SCMH1: variants seen among roughly 807,000 people sequenced by gnomAD.
SCMH1 encodes Scm polycomb group protein homolog 1.
A neutral mutation model predicts 70.8 loss-of-function variants in SCMH1; 37 were observed. The observed-to-expected ratio is 0.52, with a 90% CI of 0.40 to 0.69. The LOEUF (loss-of-function observed/expected upper bound fraction) is 0.69, where lower values mean the gene tolerates loss of function less well. Ranked by LOEUF, SCMH1 falls within the 30% of genes least tolerant of loss-of-function variation. The pLI is 0.00. For missense variants in SCMH1, 607 were observed against 827.3 expected, an observed-to-expected ratio of 0.73 and a Z score of 3.27; for synonymous variants, 292 against 307.4, an observed-to-expected ratio of 0.95 and a Z score of 0.52.
At chr1:41,183,853 GATAAT>G (rs896421174) in intron 2 of SCMH1, among the ~76,000 whole-genome samples, 2 of 152,078 alleles carry the variant, frequency 1.3e-5, no homozygotes, top group African/African-American at 4.8e-5. Flanking sequence ...TAAAACTGCA[GATAAT>G]ATGTCATTTA....
At chr1:41,138,945 T>C (rs1369156898) in intron 6 of SCMH1, among the ~76,000 whole-genome samples, 2 of 152,340 alleles carry the variant, frequency 1.3e-5, no homozygotes, top group African/African-American at 2.4e-5. Flanking sequence ...AAAGGTTCTA[T>C]TGGCAGGGAA....
chr1:41,037,228 G>GT, intron 13 of SCMH1, 134 bp downstream of exon 13: 1 of 847,628 alleles, frequency 1.2e-6, no homozygotes, highest in South Asian at 1.9e-5. Flanking sequence ...AGGCACAAGA[G>GT]TAAGTCCAGT....
intron 2 of SCMH1, among the ~76,000 whole-genome samples, chr1:41,164,840 T>A (rs1157220462): frequency 1.3e-5 from 2 of 152,132 alleles, no homozygotes; most frequent in Non-Finnish European, 2.9e-5. Context: ...CACACCAGAG[T>A]ATAGCAATTA....
At chr1:41,075,514 G>A in intron 8 of SCMH1, 63 bp from the exon 9 acceptor site, 12 of 1,404,614 alleles carry the variant, frequency 8.5e-6, no homozygotes, top group Admixed American at 3.9e-5. Flanking sequence ...CCAGCCAGAA[G>A]AAAAAAAGGA....
chr1:41,198,669 G>A (rs1469604229), intron 1 of SCMH1, among the ~76,000 whole-genome samples: 1 of 152,044 alleles, frequency 6.6e-6, no homozygotes, highest in Non-Finnish European at 1.5e-5. Flanking sequence ...GGTGCTACAG[G>A]GTGTGACAGT....
In SCMH1 at chr1:41,032,564, T is replaced by C. The variant is rs547605611; in HGVS notation, c.1679-3838A>G. Among the ~76,000 whole-genome samples the C allele has an allele frequency of 8.4e-4, 128 of 152,278 alleles. 1 individual carries two copies. The highest frequency in any genetic ancestry group is 2.7e-3 in the African/African-American group (111 of 41,562). ...TACACCATGGAAAACCACTGGCTTT[T>C]CTGAGTGAAATAGGTAGGTTTTGAG... is the stretch of plus-strand genomic sequence containing the variant. On this transcript the variant is annotated intron_variant, in intron 13 of 14. Transcript: ENST00000337495.
chr1:41,104,630 G>A (rs1667417013), intron 8 of SCMH1, among the ~76,000 whole-genome samples: 1 of 152,138 alleles, frequency 6.6e-6, no homozygotes, highest in Admixed American at 6.5e-5. Flanking sequence ...AAACAAAAAA[G>A]AATTTGCTTC....
intron 8 of SCMH1, among the ~76,000 whole-genome samples, chr1:41,087,396 A>G (rs972125049): frequency 6.6e-6 from 1 of 152,094 alleles, no homozygotes; most frequent in Non-Finnish European, 1.5e-5. Context: ...TTGGGAGAAA[A>G]TATTTACGAT....
chr1:41,151,277 G>A (rs988810123), intron 5 of SCMH1, among the ~76,000 whole-genome samples: 2 of 152,174 alleles, frequency 1.3e-5, no homozygotes, highest in Non-Finnish European at 2.9e-5. Context: ...AAGAAATACT[G>A]CTCCATTTTC....
chr1:41,141,479 AC>A (rs1644066886), intron 6 of SCMH1, among the ~76,000 whole-genome samples: 1 of 152,114 alleles, frequency 6.6e-6, no homozygotes, highest in African/African-American at 2.4e-5. Flanking sequence ...ACAAGAGACA[AC>A]CAGACTATAC....
chr1:41,052,760 T>C, intron 10 of SCMH1, among the ~76,000 whole-genome samples: 1 of 152,012 alleles, frequency 6.6e-6, no homozygotes, highest in South Asian at 2.1e-4. Context: ...AGTTCAAGAA[T>C]AGGGAAATCT....
chr1:41,212,073 T>A (rs558953902), intron 1 of SCMH1, among the ~76,000 whole-genome samples: 1 of 152,148 alleles, frequency 6.6e-6, no homozygotes, highest in African/African-American at 2.4e-5. Flanking sequence ...GTAAATGAGT[T>A]GATGGGTGCA....
At chr1:41,042,173 A>C (rs1646262340) in intron 12 of SCMH1, among the ~76,000 whole-genome samples, 1 of 151,004 alleles carries the variant, frequency 6.6e-6, no homozygotes, top group African/African-American at 2.4e-5. Flanking sequence ...CACCACATAC[A>C]TGTTCATATT....
intron 6 of SCMH1, among the ~76,000 whole-genome samples, chr1:41,141,822 GAGAC>G (rs368838486): frequency 6.7e-5 from 10 of 148,718 alleles, no homozygotes; most frequent in East Asian, 2.1e-4. Context: ...AAAAAAGAGA[GAGAC>G]AGACAGAGAC....
chr1:41,035,975 T>C (rs957999311), intron 13 of SCMH1, among the ~76,000 whole-genome samples: 1 of 152,228 alleles, frequency 6.6e-6, no homozygotes, highest in Non-Finnish European at 1.5e-5. Flanking sequence ...CTCTCTGTAG[T>C]CCTGGCCACC....
In SCMH1 at chr1:41,178,784, T is replaced by C. The variant is rs568029164; in HGVS notation, c.13+7337A>G. On this transcript the variant is annotated intron_variant, in intron 2 of 14. Coordinates refer to ENST00000337495, the Ensembl canonical transcript of SCMH1. ...GACTTAGACTCCCACACAATAATAA[T>C]GGGAGACTTTAACACCCCACTGTCA... Among the ~76,000 whole-genome samples the C allele has an allele frequency of 7.9e-5, 12 of 152,230 alleles. 1 individual carries two copies. In the South Asian group the frequency reaches 2.5e-3, roughly 32 times the overall value.
chr1:41,049,185 T>A (rs1453157224), intron 10 of SCMH1, among the ~76,000 whole-genome samples: 1 of 152,038 alleles, frequency 6.6e-6, no homozygotes, highest in African/African-American at 2.4e-5. Context: ...GAAAAGAAAA[T>A]CTAGACAATT....
intron 6 of SCMH1, among the ~76,000 whole-genome samples, chr1:41,133,312 G>C (rs974358800): frequency 6.6e-6 from 1 of 151,910 alleles, no homozygotes; most frequent in Non-Finnish European, 1.5e-5. Context: ...ATGGTGAATG[G>C]GAGTTCACTC....
At chr1:41,217,128 T>C (rs1184104468) in intron 1 of SCMH1, among the ~76,000 whole-genome samples, 1 of 152,164 alleles carries the variant, frequency 6.6e-6, no homozygotes, top group African/African-American at 2.4e-5. Flanking sequence ...AGATAGTTGG[T>C]AGAAATATGA....
Sources: gnomAD v4.1 joint callset for allele counts (sites outside exome capture counted in the v4.1 genomes callset) on GRCh38, gnomAD v4.1.1 for gene constraint, MANE v1.5 for transcripts, NCBI Gene and HGNC (gene_info 2026-07-23, HGNC 2026-07-21) for gene names.